The following PRIM2 variants were observed in gnomAD, a reference collection of about 807,000 sequenced individuals.
PRIM2 encodes the protein DNA primase large subunit.
PRIM2 carries 39 observed loss-of-function variants against 67.3 expected under a neutral mutation model. That is an observed-to-expected ratio of 0.58 (90% CI 0.45 to 0.76). The LOEUF is 0.76. PRIM2 is among the 30% of genes least tolerant of loss of function. PRIM2 has a pLI of 0.00. For missense variants in PRIM2, 398 were observed against 598.7 expected, an observed-to-expected ratio of 0.66 and a Z score of 3.50; for synonymous variants, 143 against 198.7, an observed-to-expected ratio of 0.72 and a Z score of 2.36.
At chr6:57,634,010 ATATG>A (rs1777078075) in intron 13 of PRIM2, among the ~76,000 whole-genome samples, 1 of 152,212 alleles carries the variant, frequency 6.6e-6, no homozygotes, top group Admixed American at 6.5e-5. Flanking sequence ...GCAAGATACT[ATATG>A]TATATTTCCC....
At chr6:57,329,351 T>C (rs760086645) in intron 5 of PRIM2, among the ~76,000 whole-genome samples, 1 of 152,196 alleles carries the variant, frequency 6.6e-6, no homozygotes, top group African/African-American at 2.4e-5. Context: ...CTTCATTCTT[T>C]TGCATGTAGA....
chr6:57,326,054 A>G lies in PRIM2; in HGVS notation c.459+9A>G. 6.2e-7 allele frequency: 1 copy of G among 1,608,154 alleles called. No homozygotes were observed. On this transcript the variant is annotated intron_variant, in intron 5 of 13. Coordinates refer to ENST00000615550, the MANE Select transcript of PRIM2 (RefSeq NM_000947.5). ...AATTGCAGTTTGAGGCTGTAAGTAT[A>G]TTTTTGTAGTTATTTCTAATTGTTC...
At chr6:57,255,605 T>A in the PRIM2 span, among the ~76,000 whole-genome samples, 2 of 152,202 alleles carry the variant, frequency 1.3e-5, no homozygotes, top group Non-Finnish European at 2.9e-5. Flanking sequence ...CTTCTCCATT[T>A]TTACACTGGT....
intron 10 of PRIM2, among the ~76,000 whole-genome samples, chr6:57,587,461 G>A (rs1349015590): frequency 2.6e-5 from 4 of 151,968 alleles, no homozygotes; most frequent in Admixed American, 6.6e-5. Flanking sequence ...TCAGGAGATC[G>A]AGACCATCTT....
At chr6:57,288,915 C>T in the PRIM2 span, among the ~76,000 whole-genome samples, 1 of 152,158 alleles carries the variant, frequency 6.6e-6, no homozygotes, top group Non-Finnish European at 1.5e-5. Flanking sequence ...GATCACAGCT[C>T]CTCGCCAGCA....
At position 57,618,322 on chromosome 6, in the gene PRIM2, A is replaced by T. The variant is rs1408957058; in HGVS notation, c.1230+11865A>T. Among the ~76,000 whole-genome samples the T allele has an allele frequency of 3.3e-5, 5 of 152,222 alleles. No homozygotes were observed. The East Asian group carries it at 9.6e-4, about 29-fold the overall frequency. On this transcript the variant is annotated intron_variant, in intron 12 of 13. Coordinates refer to ENST00000615550, the MANE Select transcript of PRIM2 (RefSeq NM_000947.5). ...ATTGCATTGAATCTGTAGATTGTGTATAAAGAGGGATCATGGCAGATGGGA... is the reference window on the plus strand; with the variant it reads ...ATTGCATTGAATCTGTAGATTGTGTTTAAAGAGGGATCATGGCAGATGGGA...
the PRIM2 span, among the ~76,000 whole-genome samples, chr6:57,233,131 T>A: frequency 6.6e-6 from 1 of 152,260 alleles, no homozygotes; most frequent in Admixed American, 6.5e-5. Context: ...TTTGCATTTA[T>A]GTTTTAAATT....
chr6:57,410,731 T>G (rs1436428338), intron 7 of PRIM2, among the ~76,000 whole-genome samples: 1 of 152,152 alleles, frequency 6.6e-6, no homozygotes, highest in Non-Finnish European at 1.5e-5. Flanking sequence ...TATTTATTTT[T>G]CTTGCCAATT....
intron 9 of PRIM2, 73 bp from the exon 10 acceptor site, chr6:57,537,367 A>G: frequency 4.1e-6 from 3 of 732,572 alleles, no homozygotes; most frequent in Non-Finnish European, 6.3e-6. Flanking sequence ...TGAATTAGGA[A>G]CCATAACAAA....
In PRIM2 at chr6:57,416,369, C is replaced by T. The variant is rs568387164; in HGVS notation, c.693+34201C>T. Among the ~76,000 whole-genome samples the T allele has an allele frequency of 7.9e-3, 1,199 of 152,146 alleles. 10 individuals are homozygous for T. Among genetic ancestry groups the T allele is most frequent in the Non-Finnish European group, 0.014 (930 of 67,996 alleles). On this transcript the variant is annotated intron_variant, in intron 7 of 13. Transcript: ENST00000615550. ...AATATTCAGTAAACTATGCTGTAAACGCATGTGCTATTATTTAGACATTAT... is the reference window on the plus strand; with the variant it reads ...AATATTCAGTAAACTATGCTGTAAATGCATGTGCTATTATTTAGACATTAT...
At chr6:57,480,530 A>G (rs1441995126) in intron 7 of PRIM2, among the ~76,000 whole-genome samples, 1 of 152,152 alleles carries the variant, frequency 6.6e-6, no homozygotes, top group Non-Finnish European at 1.5e-5. Flanking sequence ...GATTCATGTA[A>G]CCATCACTAC....
rs1773131824 is a variant in PRIM2 at position 57,464,800 on chromosome 6, C to G, written c.694-42587C>G. Among the ~76,000 whole-genome samples, 7 of 152,326 alleles carry G rather than the reference C, an allele frequency of 4.6e-5. No homozygotes were observed. In the South Asian group the frequency reaches 1.5e-3, roughly 32 times the overall value. ...CCATCATCATCATTGTTTCCAAAAT[C>G]ACCATTACCACCACTTTTTGAATAG... On this transcript the variant is annotated intron_variant, in intron 7 of 13. Coordinates refer to ENST00000615550, the MANE Select transcript of PRIM2 (RefSeq NM_000947.5).
chr6:57,400,205 C>T (rs933155314), intron 7 of PRIM2, among the ~76,000 whole-genome samples: 10 of 152,204 alleles, frequency 6.6e-5, no homozygotes, highest in African/African-American at 1.2e-4. Flanking sequence ...GTCACTGATC[C>T]GTGTATTTAA....
chr6:57,582,010 A>G (rs1417142451), intron 10 of PRIM2, among the ~76,000 whole-genome samples: 1 of 152,138 alleles, frequency 6.6e-6, no homozygotes, highest in African/African-American at 2.4e-5. Flanking sequence ...AATTTTTTAA[A>G]TTTTTTGTTT....
intron 5 of PRIM2, among the ~76,000 whole-genome samples, chr6:57,332,716 T>C (rs1768093447): frequency 6.6e-6 from 1 of 152,132 alleles, no homozygotes; most frequent in East Asian, 1.9e-4. Flanking sequence ...TTACGTGATA[T>C]GTCTTTTTCT....
the PRIM2 span, among the ~76,000 whole-genome samples, chr6:57,308,888 C>T: frequency 1.3e-5 from 2 of 149,950 alleles, no homozygotes; most frequent in Non-Finnish European, 3.0e-5. Flanking sequence ...TTTAATTTTA[C>T]TTTAAGTTCT....
At chr6:57,309,325 A>G in the PRIM2 span, among the ~76,000 whole-genome samples, 421 of 121,806 alleles carry the variant, frequency 3.5e-3, 1 homozygote, top group Non-Finnish European at 5.1e-3. Context: ...AGAGTGTGAT[A>G]TTCCCCTTCC....
In PRIM2 at chr6:57,398,280, G is replaced by A. The variant is rs1201583297; in HGVS notation, c.693+16112G>A. 2.0e-5 allele frequency among the ~76,000 whole-genome samples: 3 copies of A among 151,962 alleles called. No homozygotes were observed. In the South Asian group the frequency reaches 6.2e-4, roughly 32 times the overall value. Reference sequence around the variant, plus strand: ...GCCAATCTTTCTAACTTTTTATGTGGCTATTTAGTGCTATGAATTTCCCTC... The same window carrying A: ...GCCAATCTTTCTAACTTTTTATGTGACTATTTAGTGCTATGAATTTCCCTC... On this transcript the variant is annotated intron_variant, in intron 7 of 13. Coordinates refer to ENST00000615550, the MANE Select transcript of PRIM2 (RefSeq NM_000947.5).
At chr6:57,348,366 TTTAAA>T in intron 5 of PRIM2, among the ~76,000 whole-genome samples, 2 of 152,340 alleles carry the variant, frequency 1.3e-5, no homozygotes, top group South Asian at 4.1e-4. Context: ...TTTTTAAAAT[TTTAAA>T]TTAAGTTTTA....
Sources: allele counts gnomAD v4.1 joint callset (sites outside exome capture counted in the v4.1 genomes callset), GRCh38; gene constraint gnomAD v4.1.1; transcripts MANE v1.5; gene names NCBI Gene and HGNC (gene_info 2026-07-23, HGNC 2026-07-21).